Variants in KRTAP6-2 observed in about 807,000 individuals in gnomAD.
KRTAP6-2 encodes keratin-associated protein 6-2.
A neutral mutation model predicts 0.4 loss-of-function variants in KRTAP6-2; 1 was observed. The observed-to-expected ratio is 2.37, with a 90% CI of 0.84 to 11.25. The LOEUF (loss-of-function observed/expected upper bound fraction) is 11.25, where lower values mean the gene tolerates loss of function less well. Ranked by LOEUF, KRTAP6-2 falls within the 30% of genes most tolerant of loss-of-function variation. The probability of loss-of-function intolerance (pLI) is 0.12; values close to 1 mark genes in which losing one functional copy is unlikely to be tolerated. For missense variants in KRTAP6-2, 87 were observed against 82.0 expected, an observed-to-expected ratio of 1.06 and a Z score of -0.23; for synonymous variants, 39 against 34.2, an observed-to-expected ratio of 1.14 and a Z score of -0.49.
At chr21:30,598,708 C>T in exon 1 of KRTAP6-2, 1 of 1,613,026 alleles carries the variant, frequency 6.2e-7, no homozygotes. Context: ...GCCAGAGCCG[C>T]ATCCATAGCC....
At chr21:30,598,809 G>A (rs1980252229) in exon 1 of KRTAP6-2, 1 of 1,613,600 alleles carries the variant, frequency 6.2e-7, no homozygotes, top group Non-Finnish European at 8.5e-7. Context: ...CATAGCCTAG[G>A]CCTTCGTATC....
rs760267342 is a variant in KRTAP6-2 at position 30,598,773 on chromosome 21, A to G, written c.102T>C (p.Tyr34=). The G allele has an allele frequency of 4.4e-6, 7 of 1,608,532 alleles. No individual in the cohort carries two copies. The Admixed American group carries it at 6.7e-5, about 15-fold the overall frequency. The change falls in exon 1 of 1, where the codon TAT becomes TAC. Residue 34 remains tyrosine, a synonymous_variant. Coordinates refer to ENST00000334897, the Ensembl canonical transcript of KRTAP6-2. Reference sequence around the variant, plus strand: ...CATGACCATAGCCACAGCAGGAGCTATAGCCACAGCGCAGGCTTCCATAGC... The same window carrying G: ...CATGACCATAGCCACAGCAGGAGCTGTAGCCACAGCGCAGGCTTCCATAGC...
chr21:30,598,883 T>C (rs200833486), exon 1 of KRTAP6-2: 4 of 1,612,234 alleles, frequency 2.5e-6, no homozygotes, highest in East Asian at 4.5e-5. Context: ...ATCGTGATGG[T>C]TGTGGAGGTT....
chr21:30,598,755 A>G (rs201022699), exon 1 of KRTAP6-2: 149 of 1,607,640 alleles, frequency 9.3e-5, no homozygotes, highest in Middle Eastern at 3.3e-4. Context: ...AGCCATGACC[A>G]TAGCCACAGC....
At chr21:30,598,695 G>T in the KRTAP6-2 span, 1 of 1,613,226 alleles carries the variant, frequency 6.2e-7, no homozygotes, top group East Asian at 2.2e-5. Flanking sequence ...CTCAATAGTA[G>T]TAGCCAGAGC....
At chr21:30,598,883 T>G in exon 1 of KRTAP6-2, 1 of 1,612,234 alleles carries the variant, frequency 6.2e-7, no homozygotes, top group Non-Finnish European at 8.5e-7. Flanking sequence ...ATCGTGATGG[T>G]TGTGGAGGTT....
Position 30,598,810 on chromosome 21 carries a change from C to A in KRTAP6-2, c.65G>T (p.Gly22Val), listed in dbSNP as rs914101834. 9.3e-6 allele frequency: 15 copies of A among 1,613,654 alleles called. No individual in the cohort carries two copies. The highest frequency in any genetic ancestry group is 5.0e-5 in the Admixed American group (3 of 59,996). Residue 22 changes from glycine (G) to valine (V), a missense_variant, in exon 1 of 1, where the codon GGC (glycine) becomes GTC (valine). Transcript: ENST00000334897. Reference sequence around the variant, plus strand: ...CAGGCTTCCATAGCCATAGCCTAGGCCTTCGTATCCACAGCACCCATAGCC... The same window carrying A: ...CAGGCTTCCATAGCCATAGCCTAGGACTTCGTATCCACAGCACCCATAGCC...
chr21:30,598,590 G>T lies in KRTAP6-2; in HGVS notation c.*96C>A, dbSNP rs1220907065. The T allele has an allele frequency of 5.0e-6, 7 of 1,413,510 alleles. No homozygotes were observed. In the South Asian group the frequency reaches 1.0e-4, roughly 20 times the overall value. 87.6% of individuals were successfully genotyped at this position (1,413,510 alleles called of 1,614,324 possible). A position where few individuals can be genotyped will look rare whatever the true frequency, so the allele number is the denominator to read the frequency against. On this transcript the variant is annotated 3_prime_UTR_variant, in exon 1 of 1. Transcript: ENST00000334897. ...ATCACATCAGAAACTTTTAATATAA[G>T]ATAATCTTCATCCAGCCCCGAGCTC...
rs550940032 is a variant in KRTAP6-2 at position 30,598,842 on chromosome 21, G to A, written c.33C>T (p.Gly11=). ...ATCCACAGCACCCATAGCCATGGTC[G>A]CCGTAGTAGTTTCCGTAGTAGCTGC... The change falls in exon 1 of 1, where the codon GGC becomes GGT. Residue 11 remains glycine (G), a synonymous_variant. Coordinates refer to ENST00000334897, the Ensembl canonical transcript of KRTAP6-2. 4.0e-5 allele frequency: 65 copies of A among 1,613,946 alleles called. 1 individual carries two copies. The South Asian group carries it at 6.7e-4, about 17-fold the overall frequency.
exon 1 of KRTAP6-2, chr21:30,598,594 A>C: frequency 7.0e-7 from 1 of 1,425,730 alleles, no homozygotes; most frequent in Non-Finnish European, 9.3e-7. Context: ...ATATAAGATA[A>C]TCTTCATCCA....
chr21:30,598,777 C>T lies in KRTAP6-2; in HGVS notation c.98G>A (p.Gly33Asp), dbSNP rs750855572. Residue 33 changes from glycine to aspartate, a missense_variant, in exon 1 of 1, where the codon GGC (glycine) becomes GAC (aspartate). Gly to Asp is a moderately conservative substitution (Grantham distance 94, BLOSUM62 -1). Transcript: ENST00000334897. The stretch of plus-strand genomic sequence containing the variant: ...ACCATAGCCACAGCAGGAGCTATAG[C>T]CACAGCGCAGGCTTCCATAGCCATA... 3 of 1,609,178 alleles carry T rather than the reference C, an allele frequency of 1.9e-6. No individual in the cohort carries two copies. The Admixed American group carries it at 5.0e-5, about 27-fold the overall frequency.
At chr21:30,598,637 T>C (rs1331630480) in exon 1 of KRTAP6-2, 2 of 1,568,366 alleles carry the variant, frequency 1.3e-6, no homozygotes, top group Admixed American at 3.6e-5. Context: ...GGTTCAGAAT[T>C]GGTGAATCCC....
chr21:30,598,593 A>T (rs1286953846), exon 1 of KRTAP6-2: 1 of 1,421,856 alleles, frequency 7.0e-7, no homozygotes, highest in Non-Finnish European at 9.3e-7. Flanking sequence ...AATATAAGAT[A>T]ATCTTCATCC....
exon 1 of KRTAP6-2, chr21:30,598,847 A>G (rs1980254597): frequency 1.2e-6 from 2 of 1,614,064 alleles, no homozygotes; most frequent in Non-Finnish European, 1.7e-6. Context: ...TGGTCGCCGT[A>G]GTAGTTTCCG....
At chr21:30,598,779 A>G in exon 1 of KRTAP6-2, 1 of 1,610,416 alleles carries the variant, frequency 6.2e-7, no homozygotes, top group Non-Finnish European at 8.5e-7. Flanking sequence ...AGCTATAGCC[A>G]CAGCGCAGGC....
At chr21:30,598,844 C>T (rs533416500) in exon 1 of KRTAP6-2, 5 of 1,613,966 alleles carry the variant, frequency 3.1e-6, no homozygotes, top group Admixed American at 1.7e-5. Flanking sequence ...CCATGGTCGC[C>T]GTAGTAGTTT....
exon 1 of KRTAP6-2, chr21:30,598,624 C>G (rs111546176): frequency 6.5e-7 from 1 of 1,544,998 alleles, no homozygotes; most frequent in Non-Finnish European, 8.8e-7. Context: ...TCAGAGCATA[C>G]GGGGTTCAGA....
At chr21:30,598,591 A>G (rs979003913) in exon 1 of KRTAP6-2, 4 of 1,417,130 alleles carry the variant, frequency 2.8e-6, no homozygotes, top group African/African-American at 2.9e-5. Flanking sequence ...TTAATATAAG[A>G]TAATCTTCAT....
At chr21:30,598,815 G>A (rs372413685) in exon 1 of KRTAP6-2, 34 of 1,613,660 alleles carry the variant, frequency 2.1e-5, no homozygotes, top group African/African-American at 2.7e-5. Context: ...CTAGGCCTTC[G>A]TATCCACAGC....
Sources: gnomAD v4.1 joint callset for allele counts on GRCh38, gnomAD v4.1.1 for gene constraint, MANE v1.5 for transcripts, NCBI Gene and HGNC (gene_info 2026-07-23, HGNC 2026-07-21) for gene names.